LMBRD2: variants seen among roughly 807,000 people sequenced by gnomAD.
LMBRD2 encodes the protein LMBR1 domain containing 2, also known as G protein-coupled receptor-associated protein LMBRD2.
Under a neutral mutation model 94.4 loss-of-function variants are expected in LMBRD2, and 55 were observed. The ratio of observed to expected loss-of-function variants is 0.58; its 90% CI spans 0.47 to 0.73. The LOEUF (loss-of-function observed/expected upper bound fraction) is 0.73, where lower values mean the gene tolerates loss of function less well. Among genes scored for constraint, LMBRD2 ranks in the 30% least tolerant of loss-of-function variants. The probability of loss-of-function intolerance (pLI) is 0.00; values close to 1 mark genes in which losing one functional copy is unlikely to be tolerated. For missense variants in LMBRD2, 640 were observed against 831.9 expected, an observed-to-expected ratio of 0.77 and a Z score of 2.84; for synonymous variants, 246 against 272.4, an observed-to-expected ratio of 0.90 and a Z score of 0.95.
At chr5:36,133,868 T>G (rs1397551020) in intron 6 of LMBRD2, among the ~76,000 whole-genome samples, 1 of 152,148 alleles carries the variant, frequency 6.6e-6, no homozygotes, top group African/African-American at 2.4e-5. Context: ...CAAAGCTTCC[T>G]CTAGGGAAAA....
intron 6 of LMBRD2, among the ~76,000 whole-genome samples, chr5:36,126,589 C>T (rs1163792287): frequency 6.6e-6 from 1 of 152,116 alleles, no homozygotes; most frequent in Non-Finnish European, 1.5e-5. Flanking sequence ...AATTCTCTAT[C>T]TAGAAAAATG....
At chr5:36,140,965 A>G in intron 4 of LMBRD2, 142 bp downstream of exon 4, 2 of 555,112 alleles carry the variant, frequency 3.6e-6, no homozygotes, top group East Asian at 6.2e-5. Context: ...ATGAGTTTGG[A>G]GCACAGCAGA....
intron 10 of LMBRD2, among the ~76,000 whole-genome samples, chr5:36,116,833 C>G (rs897224862): frequency 6.6e-6 from 1 of 152,092 alleles, no homozygotes; most frequent in Non-Finnish European, 1.5e-5. Context: ...TGTGCCACCA[C>G]GCCCGGCTAA....
chr5:36,130,376 TATAAG>T (rs1249026405), intron 6 of LMBRD2, among the ~76,000 whole-genome samples: 1 of 152,122 alleles, frequency 6.6e-6, no homozygotes, highest in Non-Finnish European at 1.5e-5. Context: ...AATAACAGGC[TATAAG>T]ATATTACTCA....
At chr5:36,122,508 C>A (rs779057839) in intron 8 of LMBRD2, 45 bp from the exon 9 acceptor site, 2 of 1,512,782 alleles carry the variant, frequency 1.3e-6, no homozygotes, top group South Asian at 2.4e-5. Flanking sequence ...TCTGATCCAA[C>A]AGTGGTTCAA....
intron 4 of LMBRD2, among the ~76,000 whole-genome samples, chr5:36,137,902 G>A (rs193169130): frequency 8.1e-4 from 123 of 152,162 alleles, no homozygotes; most frequent in Middle Eastern, 3.4e-3. Flanking sequence ...TCAGGAGAGC[G>A]GACTAAAAAT....
At chr5:36,130,243 TATA>T (rs1242076262) in intron 6 of LMBRD2, among the ~76,000 whole-genome samples, 1 of 151,806 alleles carries the variant, frequency 6.6e-6, no homozygotes, top group Admixed American at 6.6e-5. Context: ...ACACAGATAG[TATA>T]ATAATACATA....
chr5:36,138,633 T>C (rs1208700162), intron 4 of LMBRD2, among the ~76,000 whole-genome samples: 1 of 152,190 alleles, frequency 6.6e-6, no homozygotes, highest in Non-Finnish European at 1.5e-5. Context: ...TGCTGGTGTA[T>C]GGGTGTATTC....
Position 36,122,988 on chromosome 5 carries a change from A to T in LMBRD2, c.823-27T>A. ...TAAAAAAAAAAAAAAGTAGATTTTT[A>T]AAAATCTTAATTGTAAAAAGATAAA... On this transcript the variant is annotated intron_variant, in intron 7 of 17. Coordinates refer to ENST00000296603, the MANE Select transcript of LMBRD2 (RefSeq NM_001007527.2). 3 of 1,455,314 alleles carry T rather than the reference A, an allele frequency of 2.1e-6. No individual in the cohort carries two copies. The Admixed American group carries it at 8.3e-5, about 40-fold the overall frequency. The allele number at this position is 1,455,314 out of a possible 1,614,324, so 90.2% of individuals were successfully genotyped here. A position where few individuals can be genotyped will look rare whatever the true frequency, so the allele number is the denominator to read the frequency against.
chr5:36,111,083 A>C lies in LMBRD2; in HGVS notation c.1744+72T>G, dbSNP rs1033521460. ...TTAAAAAATATTCACAAACTACACA[A>C]ATATTAATTTTGTATTTTGAGTCTT... is the stretch of plus-strand genomic sequence containing the variant. On this transcript the variant is annotated intron_variant, in intron 14 of 17. Transcript: ENST00000296603. 8 of 889,636 alleles carry C rather than the reference A, an allele frequency of 9.0e-6. No homozygotes were observed. The Admixed American group carries it at 1.7e-4, about 19-fold the overall frequency. The allele number at this position is 889,636 out of a possible 1,614,324, so 55.1% of individuals were successfully genotyped here.
intron 12 of LMBRD2, among the ~76,000 whole-genome samples, 156 bp downstream of exon 12, chr5:36,114,859 T>C (rs1743701454): frequency 6.6e-6 from 1 of 152,162 alleles, no homozygotes; most frequent in South Asian, 2.1e-4. Context: ...GAAAATCACT[T>C]TTATCTAGTC....
chr5:36,108,497 A>C, intron 16 of LMBRD2, 37 bp downstream of exon 16: 1 of 1,126,390 alleles, frequency 8.9e-7, no homozygotes, highest in Non-Finnish European at 1.3e-6. Flanking sequence ...AGCATAAGAA[A>C]ACAATTTCCA....
intron 10 of LMBRD2, 117 bp downstream of exon 10, chr5:36,117,617 AC>A: frequency 6.5e-6 from 4 of 614,600 alleles, no homozygotes; most frequent in Non-Finnish European, 1.0e-5. Context: ...AGTTTGAATA[AC>A]AACACTGCAG....
chr5:36,141,294 T>C, intron 3 of LMBRD2, 92 bp from the exon 4 acceptor site: 1 of 678,626 alleles, frequency 1.5e-6, no homozygotes, highest in Admixed American at 2.9e-5. Context: ...TAATTTACAT[T>C]CAGATTTTAA....
chr5:36,123,038 C>T, intron 7 of LMBRD2, 77 bp from the exon 8 acceptor site: 1 of 1,308,454 alleles, frequency 7.6e-7, no homozygotes, highest in Non-Finnish European at 1.0e-6. Flanking sequence ...AAAAATCTTT[C>T]ATTCTTGAGC....
chr5:36,107,358 C>A (rs1743497350), intron 16 of LMBRD2, among the ~76,000 whole-genome samples: 1 of 151,426 alleles, frequency 6.6e-6, no homozygotes, highest in African/African-American at 2.5e-5. Flanking sequence ...TGGTTATGTT[C>A]ACTATTTTAT....
rs1454095599 is a variant in LMBRD2, at chr5:36,099,164, A to T, written c.*4882T>A. ...TCACACTGGACTACTGAACTTTAGAATACTGTCCTAAGGAAATAGGTCTGG... is the reference window on the plus strand; with the variant it reads ...TCACACTGGACTACTGAACTTTAGATTACTGTCCTAAGGAAATAGGTCTGG... On this transcript the variant is annotated 3_prime_UTR_variant, in exon 18 of 18. Transcript: ENST00000296603. 3 of 152,102 alleles carry T rather than the reference A, an allele frequency of 2.0e-5. No homozygotes were observed. Among genetic ancestry groups the T allele is most frequent in the Non-Finnish European group, 4.4e-5 (3 of 67,968 alleles). 9.4% of individuals were successfully genotyped at this position (152,102 alleles called of 1,614,324 possible).
intron 15 of LMBRD2, among the ~76,000 whole-genome samples, chr5:36,109,744 A>C (rs1032982726): frequency 4.6e-5 from 7 of 152,132 alleles, no homozygotes; most frequent in African/African-American, 9.6e-5. Context: ...ATTTATTACT[A>C]ATGACTTTTA....
chr5:36,127,703 T>C (rs777077132), intron 6 of LMBRD2, among the ~76,000 whole-genome samples: 9 of 152,060 alleles, frequency 5.9e-5, no homozygotes, highest in Non-Finnish European at 1.3e-4. Flanking sequence ...GGGAGGAAAG[T>C]GTGAGAAGGA....
Sources: allele counts gnomAD v4.1 joint callset (sites outside exome capture counted in the v4.1 genomes callset), GRCh38; gene constraint gnomAD v4.1.1; transcripts MANE v1.5; gene names NCBI Gene and HGNC (gene_info 2026-07-23, HGNC 2026-07-21).